The following MASP1 variants were observed in gnomAD, a reference collection of about 807,000 sequenced individuals.
The protein encoded by MASP1 is MBL associated serine protease 1, also known as mannan-binding lectin serine protease 1.
MASP1 carries 59 observed loss-of-function variants against 77.1 expected under a neutral mutation model. The observed-to-expected ratio is 0.77, with a 90% CI of 0.62 to 0.95. The LOEUF is 0.95. Ranked by LOEUF, MASP1 falls within the 40% of genes least tolerant of loss-of-function variation. MASP1 has a pLI of 0.00. For missense variants in MASP1, 885 were observed against 912.9 expected (o/e 0.97, Z 0.39); for synonymous variants, 362 against 354.5 (o/e 1.02, Z -0.24).
chr3:187,286,206 C>T, intron 1 of MASP1, 150 bp from the exon 2 acceptor site: 1 of 700,106 alleles, frequency 1.4e-6, no homozygotes, highest in Non-Finnish European at 2.6e-6. Flanking sequence ...CCTCCTCAGT[C>T]TGTATTATGG....
Position 187,235,904 on chromosome 3 carries a change from C to A in MASP1, c.1967G>T (p.Gly656Val). Residue 656 changes from glycine to valine, a missense_variant, in exon 11 of 11, where the codon GGC becomes GTC. Coordinates refer to ENST00000296280, the MANE Select transcript of MASP1 (RefSeq NM_139125.4). ...GCTATCTCCAAGGCACGTGTCTTTG[C>A]CGCCCTCGTAGTAGCCAGCACAGAA... ...NMFCAGYYEGGKDTCLGDSGG... is the reference protein window; with the variant it reads ...NMFCAGYYEGVKDTCLGDSGG... The A allele has an allele frequency of 6.2e-7, 1 of 1,614,234 alleles. No homozygotes were observed. Among genetic ancestry groups the A allele is most frequent in the Non-Finnish European group, 8.5e-7 (1 of 1,180,038 alleles).
chr3:187,249,183 G>A (rs554481953), intron 8 of MASP1, among the ~76,000 whole-genome samples: 5 of 152,242 alleles, frequency 3.3e-5, no homozygotes, highest in South Asian at 4.1e-4. Context: ...TCAGCCTCCC[G>A]AGTAGCTGGG....
At chr3:187,245,606 T>C (rs2060732137) in intron 8 of MASP1, among the ~76,000 whole-genome samples, 1 of 152,096 alleles carries the variant, frequency 6.6e-6, no homozygotes, top group African/African-American at 2.4e-5. Flanking sequence ...AAGCCATGTT[T>C]CTCTGGGACA....
chr3:187,225,523 AGACATGT>A (rs762939566), intron 12 of MASP1: 5 of 1,613,976 alleles, frequency 3.1e-6, no homozygotes, highest in Non-Finnish European at 4.2e-6. Context: ...GGCAAGAAGA[AGACATGT>A]GAGGCATGGG....
chr3:187,281,786 C>A (rs1211413029), intron 2 of MASP1, among the ~76,000 whole-genome samples: 1 of 152,166 alleles, frequency 6.6e-6, no homozygotes, highest in Non-Finnish European at 1.5e-5. Context: ...CTTGTTCCAT[C>A]CTCTCACTGA....
chr3:187,239,693 T>C (rs1713471252), intron 10 of MASP1, among the ~76,000 whole-genome samples: 1 of 152,250 alleles, frequency 6.6e-6, no homozygotes, highest in Admixed American at 6.5e-5. Flanking sequence ...CTGGAGTCCT[T>C]GGTTGTACTT....
chr3:187,265,495 G>A (rs1029793510), intron 2 of MASP1, among the ~76,000 whole-genome samples: 9 of 152,166 alleles, frequency 5.9e-5, no homozygotes, highest in Non-Finnish European at 1.0e-4. Flanking sequence ...CCCCAGCTGA[G>A]GCCCATGGGA....
intron 10 of MASP1, among the ~76,000 whole-genome samples, chr3:187,238,465 T>G (rs575900417): frequency 1.3e-5 from 2 of 152,320 alleles, no homozygotes; most frequent in African/African-American, 4.8e-5. Flanking sequence ...CTCATTGAAA[T>G]GGGGTCATTC....
At chr3:187,276,549 C>T (rs531134582) in intron 2 of MASP1, 67 of 152,352 alleles carry the variant, frequency 4.4e-4, no homozygotes, top group African/African-American at 1.1e-3. Flanking sequence ...GAGATATGCA[C>T]CCCATGTGCA....
chr3:187,252,438 A>G (rs1180052349), intron 6 of MASP1, among the ~76,000 whole-genome samples: 2 of 152,118 alleles, frequency 1.3e-5, no homozygotes, highest in African/African-American at 4.8e-5. Context: ...GCTAAATCTG[A>G]CAGGCTCTTC....
At chr3:187,254,544 G>A (rs1413687685) in intron 5 of MASP1, among the ~76,000 whole-genome samples, 3 of 152,190 alleles carry the variant, frequency 2.0e-5, no homozygotes, top group African/African-American at 7.2e-5. Context: ...ACGCCACTTT[G>A]TGTTGAGAGA....
intron 2 of MASP1, among the ~76,000 whole-genome samples, chr3:187,270,499 C>G (rs1305363607): frequency 6.6e-6 from 1 of 152,124 alleles, no homozygotes; most frequent in Non-Finnish European, 1.5e-5. Flanking sequence ...AGTAATTTAA[C>G]ATCCACTGAC....
Position 187,278,988 on chromosome 3 carries a change from C to T in MASP1, c.237+6837G>A, listed in dbSNP as rs113523635. On this transcript the variant is annotated intron_variant, in intron 2 of 10. Coordinates refer to ENST00000296280, the MANE Select transcript of MASP1 (RefSeq NM_139125.4). ...CCCGAACCCCACTGCCCCACCCCTCCGCCACATCACAGCTTCTAATTGGAC... is the reference window on the plus strand; with the variant it reads ...CCCGAACCCCACTGCCCCACCCCTCTGCCACATCACAGCTTCTAATTGGAC... 6.6e-3 allele frequency among the ~76,000 whole-genome samples: 1,011 copies of T among 152,212 alleles called. 13 individuals are homozygous for T. Among genetic ancestry groups the T allele is most frequent in the African/African-American group, 0.023 (972 of 41,526 alleles).
At chr3:187,285,136 A>G (rs1312438095) in intron 2 of MASP1, among the ~76,000 whole-genome samples, 1 of 136,120 alleles carries the variant, frequency 7.3e-6, no homozygotes, top group African/African-American at 2.9e-5. Context: ...TTAAAAGAAG[A>G]ACAGCTTCCC....
intron 8 of MASP1, among the ~76,000 whole-genome samples, chr3:187,245,371 T>A (rs961375653): frequency 1.3e-5 from 2 of 152,154 alleles, no homozygotes; most frequent in African/African-American, 4.8e-5. Context: ...GGCTTTAGTG[T>A]GGCTAGATGG....
chr3:187,224,428 G>C (rs1357785037), intron 13 of MASP1, among the ~76,000 whole-genome samples: 1 of 143,754 alleles, frequency 7.0e-6, no homozygotes, highest in Non-Finnish European at 1.5e-5. Context: ...CTCACTGCAA[G>C]CTCCGCCTCC....
intron 10 of MASP1, among the ~76,000 whole-genome samples, chr3:187,240,494 A>G (rs1247543067): frequency 1.3e-5 from 2 of 152,170 alleles, no homozygotes; most frequent in African/African-American, 4.8e-5. Flanking sequence ...AAAAAATGTA[A>G]ATTACTATGT....
At chr3:187,233,944 T>A, downstream of MASP1, 1 of 459,986 alleles carries the variant, frequency 2.2e-6, no homozygotes, top group Non-Finnish European at 3.6e-6. Flanking sequence ...ACCTCTTGGA[T>A]AATGTCCAGA....
At chr3:187,255,895 T>C (rs1014100437) in intron 5 of MASP1, among the ~76,000 whole-genome samples, 3 of 152,174 alleles carry the variant, frequency 2.0e-5, no homozygotes, top group African/African-American at 7.2e-5. Context: ...CTTTAAACAT[T>C]TCATGGCACC....
Sources: gnomAD v4.1 joint callset for allele counts (sites outside exome capture counted in the v4.1 genomes callset) on GRCh38, gnomAD v4.1.1 for gene constraint, MANE v1.5 for transcripts, NCBI Gene and HGNC (gene_info 2026-07-23, HGNC 2026-07-21) for gene names.